The following SLC30A9 variants were observed in gnomAD, a reference collection of about 807,000 sequenced individuals.
SLC30A9 encodes proton-coupled zinc antiporter SLC30A9, mitochondrial.
A neutral mutation model predicts 87.5 loss-of-function variants in SLC30A9; 58 were observed. That is an observed-to-expected ratio of 0.66 (90% CI 0.54 to 0.82). The LOEUF (loss-of-function observed/expected upper bound fraction) is 0.82, where lower values mean the gene tolerates loss of function less well. Among genes scored for constraint, SLC30A9 ranks in the 40% least tolerant of loss-of-function variants. The pLI is 0.00. For synonymous variants in SLC30A9, 234 were observed against 233.0 expected, an observed-to-expected ratio of 1.00 and a Z score of -0.04; for missense variants, 557 against 679.1, an observed-to-expected ratio of 0.82 and a Z score of 2.00.
At chr4:42,075,574 A>G in intron 15 of SLC30A9, 83 bp from the exon 16 acceptor site, 5 of 1,307,992 alleles carry the variant, frequency 3.8e-6, no homozygotes, top group Non-Finnish European at 5.4e-6. Flanking sequence ...GAAAAAAACA[A>G]TAATTCAAGC....
At chr4:42,063,323 C>A (rs1194768872) in intron 11 of SLC30A9, among the ~76,000 whole-genome samples, 2 of 152,176 alleles carry the variant, frequency 1.3e-5, no homozygotes, top group African/African-American at 4.8e-5. Flanking sequence ...TGATGTTGAA[C>A]AAGATCTCTG....
intron 17 of SLC30A9, among the ~76,000 whole-genome samples, chr4:42,084,838 C>T (rs541918417): frequency 2.0e-5 from 3 of 152,270 alleles, no homozygotes; most frequent in Admixed American, 6.5e-5. Context: ...CTGTGGTAGC[C>T]GAGTGTTGTA....
At chr4:42,053,695 C>CAAAAAAAAAAAAAAAA (rs56190460) in intron 9 of SLC30A9, among the ~76,000 whole-genome samples, 1 of 55,922 alleles carries the variant, frequency 1.8e-5, no homozygotes, top group Non-Finnish European at 2.9e-5. Context: ...ACTCGGTCTC[C>CAAAAAAAAAAAAAAAA]AAAAAAAAAA....
At chr4:42,079,037 T>C (rs752702190) in intron 17 of SLC30A9, among the ~76,000 whole-genome samples, 1 of 152,126 alleles carries the variant, frequency 6.6e-6, no homozygotes, top group Non-Finnish European at 1.5e-5. Flanking sequence ...GGATATCCGA[T>C]TAGATTAATA....
chr4:42,053,792 G>A (rs1355539401), intron 9 of SLC30A9, among the ~76,000 whole-genome samples: 5 of 149,512 alleles, frequency 3.3e-5, no homozygotes, highest in Non-Finnish European at 1.5e-5. Context: ...TTTATCAGCA[G>A]TACAGCAGAT....
At chr4:41,993,303 G>T (rs902839496) in intron 1 of SLC30A9, among the ~76,000 whole-genome samples, 1 of 151,696 alleles carries the variant, frequency 6.6e-6, no homozygotes, top group African/African-American at 2.4e-5. Context: ...TTAAAACCCA[G>T]TGAGTATTTT....
Position 41,990,641 on chromosome 4 carries a change from G to GC in SLC30A9, c.-7dup. The GC allele has an allele frequency of 6.3e-7, 1 of 1,574,876 alleles. No homozygotes were observed. The highest frequency in any genetic ancestry group is 8.7e-7 in the Non-Finnish European group (1 of 1,148,620). ...AGGCGGTGTCCGAGTAGGGGCCTCT[G>GC]CCCCACCAGGATGTTACCCGGCTTG... On this transcript the variant is annotated 5_prime_UTR_variant, in exon 1 of 18. Transcript: ENST00000264451.
rs779672493 is a variant in SLC30A9, at chr4:42,001,616, A to G, written c.110A>G (p.Glu37Gly). Residue 37 changes from glutamate to glycine, a missense_variant and splice_region_variant, in exon 2 of 18, where the codon GAG becomes GGG. This residue lies in a region of SLC30A9 where 467 missense variants were observed against 529.8 expected (regional missense o/e 0.88). Transcript: ENST00000264451. ...AAAGTATATATATTTTTTCTTTTAG[A>G]GTGGCAGAATTTAGTGACATTTGGA... ...AAACNPSDRQ[E>G]WQNLVTFGSF... The G allele has an allele frequency of 3.6e-5, 57 of 1,568,352 alleles. No individual in the cohort carries two copies. The highest frequency in any genetic ancestry group is 4.4e-5 in the Non-Finnish European group (51 of 1,152,100).
chr4:41,999,381 C>T (rs1430487270), intron 1 of SLC30A9, among the ~76,000 whole-genome samples: 1 of 151,998 alleles, frequency 6.6e-6, no homozygotes, highest in Non-Finnish European at 1.5e-5. Context: ...ACTTTGTAAC[C>T]ACCTAATGAA....
At chr4:42,035,035 G>A (rs1022141131) in intron 6 of SLC30A9, among the ~76,000 whole-genome samples, 1 of 152,052 alleles carries the variant, frequency 6.6e-6, no homozygotes, top group Non-Finnish European at 1.5e-5. Flanking sequence ...GATGATTAGT[G>A]ATGTTGAGTA....
intron 17 of SLC30A9, among the ~76,000 whole-genome samples, chr4:42,085,069 C>G (rs1231503962): frequency 6.6e-6 from 1 of 152,180 alleles, no homozygotes; most frequent in African/African-American, 2.4e-5. Flanking sequence ...AGCCTCATTA[C>G]CAACCCTACC....
At chr4:42,020,938 T>C (rs1447336295) in intron 4 of SLC30A9, among the ~76,000 whole-genome samples, 4 of 152,200 alleles carry the variant, frequency 2.6e-5, no homozygotes, top group African/African-American at 4.8e-5. Flanking sequence ...CCAACTGTGA[T>C]TTCTGTTGAG....
At chr4:42,034,443 G>T (rs970552496) in intron 6 of SLC30A9, among the ~76,000 whole-genome samples, 1 of 33,676 alleles carries the variant, frequency 3.0e-5, no homozygotes, top group Non-Finnish European at 1.8e-4. Context: ...CCACCCCCCG[G>T]TCCCTGGCAA....
intron 9 of SLC30A9, among the ~76,000 whole-genome samples, chr4:42,051,543 A>T (rs1446190187): frequency 6.6e-6 from 1 of 150,970 alleles, no homozygotes; most frequent in Non-Finnish European, 1.5e-5. Context: ...ATAAGAAGAT[A>T]AATCAAAGGT....
At chr4:42,079,639 G>A (rs1248230742) in intron 17 of SLC30A9, among the ~76,000 whole-genome samples, 9 of 139,382 alleles carry the variant, frequency 6.5e-5, no homozygotes, top group East Asian at 2.2e-4. Context: ...ACGGAGTCTC[G>A]CACTGTCACC....
intron 2 of SLC30A9, among the ~76,000 whole-genome samples, chr4:42,002,479 A>G (rs1455301702): frequency 6.6e-6 from 1 of 151,664 alleles, no homozygotes; most frequent in Non-Finnish European, 1.5e-5. Context: ...CTTTATGTTC[A>G]TGTGTACCTA....
Position 42,042,716 on chromosome 4 carries a change from C to T in SLC30A9, c.737+3663C>T, listed in dbSNP as rs551334474. Among the ~76,000 whole-genome samples, 19 of 152,286 alleles carry T rather than the reference C, an allele frequency of 1.2e-4. No homozygotes were observed. In the South Asian group the frequency reaches 1.9e-3, roughly 15 times the overall value. On this transcript the variant is annotated intron_variant, in intron 8 of 17. Transcript: ENST00000264451. ...GCAGCGGATCTCCCAGCACAGCGCT[C>T]GAGGTCTGCTAAGGGACAGACTGCC... is the stretch of plus-strand genomic sequence containing the variant.
chr4:42,079,244 TA>T (rs1411267772), intron 17 of SLC30A9, among the ~76,000 whole-genome samples: 1 of 152,128 alleles, frequency 6.6e-6, no homozygotes, highest in African/African-American at 2.4e-5. Context: ...AGATAAATTT[TA>T]AAATATTTAT....
At chr4:42,073,003 G>A (rs190368376) in intron 15 of SLC30A9, among the ~76,000 whole-genome samples, 19 of 151,970 alleles carry the variant, frequency 1.3e-4, no homozygotes, top group African/African-American at 4.1e-4. Flanking sequence ...TAGTAGAGAC[G>A]AGGTTTCACC....
Sources: allele counts gnomAD v4.1 joint callset (sites outside exome capture counted in the v4.1 genomes callset), GRCh38; gene constraint gnomAD v4.1.1; regional missense constraint gnomAD v4.1.1; transcripts MANE v1.5; gene names NCBI Gene and HGNC (gene_info 2026-07-23, HGNC 2026-07-21).